Variants in UBE2L3 observed in about 807,000 individuals in gnomAD.
UBE2L3 encodes ubiquitin conjugating enzyme E2 L3.
Under a neutral mutation model 17.8 loss-of-function variants are expected in UBE2L3, and 1 was observed. That is an observed-to-expected ratio of 0.06 (90% CI 0.02 to 0.27). The LOEUF is 0.27. Among genes scored for constraint, UBE2L3 ranks in the 10% least tolerant of loss-of-function variants. The pLI, the probability that UBE2L3 is intolerant of heterozygous loss-of-function variation, is 1.00. For synonymous variants in UBE2L3, 44 were observed against 68.5 expected (o/e 0.64, Z 1.76); for missense variants, 40 against 192.6 (o/e 0.21, Z 4.69).
rs1930100895 is a variant in UBE2L3, at chr22:21,622,693, T to G, written c.*1024T>G. The G allele has an allele frequency of 6.5e-6, 1 of 152,800 alleles. No homozygotes were observed. Among genetic ancestry groups the G allele is most frequent in the Non-Finnish European group, 1.5e-5 (1 of 68,244 alleles). 9.5% of individuals were successfully genotyped at this position (152,800 alleles called of 1,614,324 possible). A position where few individuals can be genotyped will look rare whatever the true frequency, so the allele number is the denominator to read the frequency against. On this transcript the variant is annotated 3_prime_UTR_variant, in exon 4 of 4. Transcript: ENST00000342192. ...GGCACACTTTGACCCTTTGTAGGAT[T>G]GGAATTAGCAGGACTCGGCTATTTA...
At chr22:21,616,882 A>G (rs1478165990) in intron 3 of UBE2L3, among the ~76,000 whole-genome samples, 1 of 151,908 alleles carries the variant, frequency 6.6e-6, no homozygotes, top group Non-Finnish European at 1.5e-5. Context: ...AATCACAAAT[A>G]TTGTTTACAT....
At chr22:21,585,754 T>C (rs1377892673) in intron 1 of UBE2L3, among the ~76,000 whole-genome samples, 1 of 151,826 alleles carries the variant, frequency 6.6e-6, no homozygotes, top group Non-Finnish European at 1.5e-5. Context: ...GGGAAAGACA[T>C]AGAGGGGGGA....
chr22:21,591,777 G>A lies in UBE2L3; in HGVS notation c.28-1084G>A, dbSNP rs538023007. Among the ~76,000 whole-genome samples the A allele has an allele frequency of 2.0e-5, 3 of 152,330 alleles. No homozygotes were observed. The East Asian group carries it at 5.8e-4, about 29-fold the overall frequency. ...GGGCCAGAGGAAGCAGCCTGGCGAA[G>A]GAGGCAGGGCTCAGCTGGATGGTGC... On this transcript the variant is annotated intron_variant, in intron 1 of 3. Transcript: ENST00000342192.
At chr22:21,616,923 C>A (rs1041787102) in intron 3 of UBE2L3, among the ~76,000 whole-genome samples, 23 of 151,514 alleles carry the variant, frequency 1.5e-4, no homozygotes, top group African/African-American at 5.3e-4. Flanking sequence ...TCATTAAGAA[C>A]AAAAGGGCCA....
chr22:21,570,673 A>C (rs956781721), intron 1 of UBE2L3, among the ~76,000 whole-genome samples: 1 of 151,978 alleles, frequency 6.6e-6, no homozygotes, highest in Non-Finnish European at 1.5e-5. Flanking sequence ...AATGCTGATC[A>C]TTGGCTGTGA....
Position 21,572,801 on chromosome 22 carries a change from TC to T in UBE2L3, c.27+5033del. ...AGTCTTAGCTCCTCCTGTGACTCTC[TC>T]CCTCTGGCCCCATGCATCTCCTCCT... On this transcript the variant is annotated intron_variant, in intron 1 of 3. Coordinates refer to ENST00000342192, the MANE Select transcript of UBE2L3 (RefSeq NM_003347.4). Among the ~76,000 whole-genome samples the T allele has an allele frequency of 4.6e-5, 7 of 152,210 alleles. 1 individual carries two copies. The East Asian group carries it at 1.4e-3, about 29-fold the overall frequency.
At chr22:21,597,775 A>ATTTTTTTTTTTGTTTTTTTTT (rs1928616243) in intron 2 of UBE2L3, among the ~76,000 whole-genome samples, 1 of 25,552 alleles carries the variant, frequency 3.9e-5, no homozygotes, top group African/African-American at 1.5e-4. Context: ...TTATATGTAG[A>ATTTTTTTTTTTGTTTTTTTTT]TTTTTTTTTT....
At chr22:21,616,752 C>CT (rs755178949) in intron 3 of UBE2L3, among the ~76,000 whole-genome samples, 267 of 151,448 alleles carry the variant, frequency 1.8e-3, no homozygotes, top group East Asian at 3.7e-3. Context: ...CACCCCCCCC[C>CT]TTTTTTTAAA....
At chr22:21,567,619 A>G (rs1601389312), upstream of UBE2L3, 6 of 1,531,656 alleles carry the variant, frequency 3.9e-6, no homozygotes, top group Non-Finnish European at 5.3e-6. Context: ...GGAAGCACAC[A>G]GTAGGTGCTC....
chr22:21,563,075 C>T (rs183065664), upstream of UBE2L3, among the ~76,000 whole-genome samples: 17 of 150,982 alleles, frequency 1.1e-4, no homozygotes, highest in East Asian at 3.4e-3. Flanking sequence ...AACCCCGTCT[C>T]TACTAAAAAT....
intron 1 of UBE2L3, among the ~76,000 whole-genome samples, chr22:21,558,019 T>G (rs1475583099): frequency 6.6e-6 from 1 of 150,992 alleles, no homozygotes; most frequent in African/African-American, 2.4e-5. Flanking sequence ...AGGCAATATG[T>G]CCCCCTTACG....
Position 21,621,710 on chromosome 22 carries a change from C to G in UBE2L3, c.*41C>G, listed in dbSNP as rs1345282162. 3 of 1,465,066 alleles carry G rather than the reference C, an allele frequency of 2.0e-6. No individual in the cohort carries two copies. In the African/African-American group the frequency reaches 4.2e-5, roughly 21 times the overall value. The allele number at this position is 1,465,066 out of a possible 1,614,324, so 90.8% of individuals were successfully genotyped here. On this transcript the variant is annotated 3_prime_UTR_variant, in exon 4 of 4. Transcript: ENST00000342192. ...GTTCCAGCAAGTGTGAGCAGAGACC[C>G]CGTGCAGTGCATTCAGACACCCCGC... is the stretch of plus-strand genomic sequence containing the variant.
At chr22:21,565,388 G>A (rs924151730), upstream of UBE2L3, among the ~76,000 whole-genome samples, 4 of 150,230 alleles carry the variant, frequency 2.7e-5, no homozygotes, top group African/African-American at 9.8e-5. Context: ...CACCACACCC[G>A]GCCCCAGGAT....
intron 1 of UBE2L3, among the ~76,000 whole-genome samples, chr22:21,582,704 T>C (rs1927711949): frequency 6.6e-6 from 1 of 152,112 alleles, no homozygotes; most frequent in Non-Finnish European, 1.5e-5. Context: ...TTTTGTATTT[T>C]TAGTAGAGAC....
At chr22:21,608,355 T>G (rs1929286681) in intron 2 of UBE2L3, among the ~76,000 whole-genome samples, 1 of 152,156 alleles carries the variant, frequency 6.6e-6, no homozygotes, top group Non-Finnish European at 1.5e-5. Flanking sequence ...GCCTAAGAAG[T>G]CCACCCTTCT....
intron 1 of UBE2L3, among the ~76,000 whole-genome samples, chr22:21,558,629 CA>C (rs131645): frequency 0.13 from 9,920 of 76,362 alleles, 599 homozygotes; most frequent in African/African-American, 0.34. Context: ...GACTCTGTCT[CA>C]AAAAAAAAAA....
intron 3 of UBE2L3, among the ~76,000 whole-genome samples, chr22:21,618,860 G>C (rs1929912625): frequency 6.6e-6 from 1 of 152,094 alleles, no homozygotes; most frequent in Admixed American, 6.5e-5. Flanking sequence ...CCAAAGTGCT[G>C]GGAATACAGG....
At chr22:21,610,194 G>A (rs551825848) in intron 2 of UBE2L3, among the ~76,000 whole-genome samples, 2 of 152,210 alleles carry the variant, frequency 1.3e-5, no homozygotes, top group Admixed American at 1.3e-4. Context: ...AAAGGGCAAG[G>A]CAGTTCTCAG....
intron 2 of UBE2L3, among the ~76,000 whole-genome samples, chr22:21,598,703 AAAT>A (rs374099277): frequency 6.6e-6 from 1 of 151,634 alleles, no homozygotes; most frequent in African/African-American, 2.4e-5. Context: ...TATTTTATTA[AAAT>A]AATAATAATA....
Sources: allele counts gnomAD v4.1 joint callset (sites outside exome capture counted in the v4.1 genomes callset), GRCh38; gene constraint gnomAD v4.1.1; transcripts MANE v1.5; gene names NCBI Gene and HGNC (gene_info 2026-07-23, HGNC 2026-07-21).